FGF12: variants seen among roughly 807,000 people sequenced by gnomAD.
FGF12 encodes the protein fibroblast growth factor 12.
FGF12 carries 14 observed loss-of-function variants against 23.6 expected under a neutral mutation model. That is an observed-to-expected ratio of 0.59 (90% CI 0.39 to 0.93). The LOEUF is 0.93. Ranked by LOEUF, FGF12 falls within the 40% of genes least tolerant of loss-of-function variation. The pLI, the probability that FGF12 is intolerant of heterozygous loss-of-function variation, is 0.00. For missense variants in FGF12, 175 were observed against 217.8 expected, an observed-to-expected ratio of 0.80 and a Z score of 1.24; for synonymous variants, 62 against 77.3, an observed-to-expected ratio of 0.80 and a Z score of 1.04.
intron 4 of FGF12, among the ~76,000 whole-genome samples, chr3:192,319,578 C>T (rs180987504): frequency 7.9e-5 from 12 of 152,052 alleles, no homozygotes; most frequent in African/African-American, 2.7e-4. Flanking sequence ...GCCTGGGTGA[C>T]AGAGTAAGAC....
At chr3:192,676,044 T>C (rs541174849) in intron 2 of FGF12, among the ~76,000 whole-genome samples, 4 of 152,180 alleles carry the variant, frequency 2.6e-5, no homozygotes, top group African/African-American at 7.2e-5. Flanking sequence ...AAATGGAGAA[T>C]GTAGAGGAGA....
At position 192,668,015 on chromosome 3, in the gene FGF12, A is replaced by G. The variant is rs112048376; in HGVS notation, c.13+59166T>C. ...CAAATGGTTAGCTATAAAGATGTTC[A>G]TCGTTGTGATGTTTGTAATAACCAG... On this transcript the variant is annotated intron_variant, in intron 2 of 5. Coordinates refer to ENST00000445105, the MANE Select transcript of FGF12 (RefSeq NM_004113.6). 7.1e-3 allele frequency among the ~76,000 whole-genome samples: 1,086 copies of G among 152,322 alleles called. 13 individuals carry two copies. The highest frequency in any genetic ancestry group is 0.024 in the African/African-American group (1,005 of 41,568).
chr3:192,161,473 T>C (rs775869926), intron 5 of FGF12, among the ~76,000 whole-genome samples: 40 of 150,368 alleles, frequency 2.7e-4, no homozygotes, highest in South Asian at 2.1e-4. Flanking sequence ...AGTAACTAAA[T>C]TGAATAACTT....
chr3:192,644,768 G>A (rs566649702), intron 2 of FGF12, among the ~76,000 whole-genome samples: 20 of 152,212 alleles, frequency 1.3e-4, no homozygotes, highest in African/African-American at 4.1e-4. Context: ...GCAGAGAAGA[G>A]CCTTTGCCCT....
At chr3:192,686,815 A>ATTTTTTTTTTTTTTT (rs57045697) in intron 2 of FGF12, among the ~76,000 whole-genome samples, 6 of 61,436 alleles carry the variant, frequency 9.8e-5, no homozygotes, top group Non-Finnish European at 1.1e-4. Flanking sequence ...TTTTTCTCTA[A>ATTTTTTTTTTTTTTT]TTTTTTTTTT....
intron 2 of FGF12, among the ~76,000 whole-genome samples, chr3:192,529,448 C>CT (rs1275147819): frequency 6.6e-6 from 1 of 152,218 alleles, no homozygotes; most frequent in African/African-American, 2.4e-5. Flanking sequence ...GAGTTCCAAA[C>CT]TGTCCCACAT....
In FGF12 at chr3:192,526,223, C is replaced by A. The variant is rs116247014; in HGVS notation, c.14-165685G>T. Among the ~76,000 whole-genome samples the A allele has an allele frequency of 2.5e-3, 379 of 152,320 alleles. 2 individuals are homozygous for A. Among genetic ancestry groups the A allele is most frequent in the African/African-American group, 8.6e-3 (358 of 41,566 alleles). ...ACCTCTGTCAATAAACCTTCCCTGG[C>A]TGGATTAGGTGCCCTTCTTTGGAGC... is the stretch of plus-strand genomic sequence containing the variant. On this transcript the variant is annotated intron_variant, in intron 2 of 5. Transcript: ENST00000445105.
At chr3:192,259,931 T>G (rs1712641739) in intron 4 of FGF12, among the ~76,000 whole-genome samples, 1 of 152,126 alleles carries the variant, frequency 6.6e-6, no homozygotes, top group Admixed American at 6.6e-5. Flanking sequence ...ATATGTGGCA[T>G]TCTCATATAT....
rs145795742 is a variant in FGF12 at position 192,573,905 on chromosome 3, A to C, written c.13+153276T>G. 4.0e-3 allele frequency among the ~76,000 whole-genome samples: 612 copies of C among 152,314 alleles called. 3 individuals carry two copies. The highest frequency in any genetic ancestry group is 0.014 in the African/African-American group (583 of 41,578). On this transcript the variant is annotated intron_variant, in intron 2 of 5. Transcript: ENST00000445105. ...GCAAGTGTCATTTAGTCTTCATTTAAGTTAGGAACAAAAGTTCAATAATAG... is the reference window on the plus strand; with the variant it reads ...GCAAGTGTCATTTAGTCTTCATTTACGTTAGGAACAAAAGTTCAATAATAG...
In FGF12 at chr3:192,667,984, T is replaced by C. The variant is rs534611801; in HGVS notation, c.13+59197A>G. Among the ~76,000 whole-genome samples, 213 of 152,298 alleles carry C rather than the reference T, an allele frequency of 1.4e-3. 3 individuals are homozygous for C. In the South Asian group the frequency reaches 0.024, roughly 17 times the overall value. On this transcript the variant is annotated intron_variant, in intron 2 of 5. Transcript: ENST00000445105. ...TGTAATCTAGGGATATAATAATGTA[T>C]ACATGCAAATGGTTAGCTATAAAGA...
At chr3:192,233,662 A>C (rs989882784) in intron 4 of FGF12, among the ~76,000 whole-genome samples, 1 of 151,884 alleles carries the variant, frequency 6.6e-6, no homozygotes. Flanking sequence ...TTTTTTTTCT[A>C]GGATATTTAT....
At chr3:192,188,132 T>C (rs1480441720) in intron 4 of FGF12, among the ~76,000 whole-genome samples, 2 of 152,214 alleles carry the variant, frequency 1.3e-5, no homozygotes, top group African/African-American at 2.4e-5. Context: ...TTTATAATAT[T>C]CTAATAATTT....
intron 2 of FGF12, among the ~76,000 whole-genome samples, chr3:192,406,130 C>T (rs1720948038): frequency 6.6e-6 from 1 of 152,044 alleles, no homozygotes; most frequent in East Asian, 1.9e-4. Context: ...CCTCAAATCT[C>T]TGTTTTCTAA....
intron 4 of FGF12, among the ~76,000 whole-genome samples, chr3:192,200,962 T>G (rs1717337894): frequency 6.6e-6 from 1 of 151,770 alleles, no homozygotes; most frequent in Admixed American, 6.6e-5. Flanking sequence ...GGTAAAAGTA[T>G]CCTGCTTTGA....
At chr3:192,471,836 T>C (rs1207447430) in intron 2 of FGF12, among the ~76,000 whole-genome samples, 5 of 152,192 alleles carry the variant, frequency 3.3e-5, no homozygotes, top group African/African-American at 1.2e-4. Flanking sequence ...ATACAGTGTG[T>C]TCAAGGATAC....
chr3:192,655,924 A>G (rs904748392), intron 2 of FGF12, among the ~76,000 whole-genome samples: 2 of 151,850 alleles, frequency 1.3e-5, no homozygotes. Context: ...GTGAAGCCAT[A>G]GGAAAAGAAG....
intron 2 of FGF12, among the ~76,000 whole-genome samples, chr3:192,472,189 TG>T (rs1348424745): frequency 6.6e-6 from 1 of 152,060 alleles, no homozygotes; most frequent in East Asian, 1.9e-4. Context: ...GCTAATTTTA[TG>T]CATTTTTAGT....
At position 192,147,068 on chromosome 3, in the gene FGF12, A is replaced by C. The variant is rs373677352; in HGVS notation, c.428-2941T>G. Among the ~76,000 whole-genome samples the C allele has an allele frequency of 6.6e-5, 10 of 152,342 alleles. No homozygotes were observed. The East Asian group carries it at 1.9e-3, about 29-fold the overall frequency. ...AAACTGCCCCCCTCCTCAATAAATC[A>C]AATAGGTATTTGAATTTCTATACTT... On this transcript the variant is annotated intron_variant, in intron 5 of 5. Transcript: ENST00000445105.
chr3:192,327,287 T>C (rs557669129), intron 4 of FGF12, among the ~76,000 whole-genome samples: 3 of 152,340 alleles, frequency 2.0e-5, no homozygotes, highest in South Asian at 2.1e-4. Flanking sequence ...ATGATTCTCA[T>C]GGTTACAGCT....
Sources: allele counts gnomAD v4.1 joint callset (sites outside exome capture counted in the v4.1 genomes callset), GRCh38; gene constraint gnomAD v4.1.1; transcripts MANE v1.5; gene names NCBI Gene and HGNC (gene_info 2026-07-23, HGNC 2026-07-21).